Variants in MASP2 observed in about 807,000 individuals in gnomAD.
MASP2 encodes mannan-binding lectin serine protease 2.
In MASP2, 49 loss-of-function variants were observed where a neutral mutation model predicts 57.1. The ratio of observed to expected loss-of-function variants is 0.86; its 90% CI spans 0.68 to 1.09. The LOEUF is 1.09. MASP2 is among the 50% of genes least tolerant of loss of function. The pLI is 0.00. For synonymous variants in MASP2, 379 were observed against 340.8 expected (o/e 1.11, Z -1.24); for missense variants, 900 against 874.8 (o/e 1.03, Z -0.36).
rs761829199 is a variant in MASP2 at position 11,034,788 on chromosome 1, C to T, written c.1087+40G>A. ...AGCAACAGTAGCAGCAGAGGGAGTT[C>T]CGGGCGGTTATGGGGCCTGTAGTCA... is the stretch of plus-strand genomic sequence containing the variant. On this transcript the variant is annotated intron_variant, in intron 8 of 10. Coordinates refer to ENST00000400897, the MANE Select transcript of MASP2 (RefSeq NM_006610.4). 3.5e-6 allele frequency: 5 copies of T among 1,411,896 alleles called. No individual in the cohort carries two copies. The African/African-American group carries it at 7.3e-5, about 21-fold the overall frequency. 87.5% of individuals were successfully genotyped at this position (1,411,896 alleles called of 1,614,324 possible).
Position 11,046,571 on chromosome 1 carries a change from A to C in MASP2, c.397T>G (p.Phe133Val), listed in dbSNP as rs201551849. 120 of 1,613,940 alleles carry C rather than the reference A, an allele frequency of 7.4e-5. 2 individuals are homozygous for C. The Middle Eastern group carries it at 1.5e-3, about 20-fold the overall frequency. Residue 133 changes from phenylalanine to valine, a missense_variant, in exon 3 of 11, where the codon TTC (phenylalanine) becomes GTC (valine). Transcript: ENST00000400897. ...NEKPFTGFEA[F>V]YAAEDIDECQ... Reference sequence around the variant, plus strand: ...CTTGGCTCACCCTCGGCTGCATAGAAGGCCTCGAACCCCGTGAACGGCTTC... The same window carrying C: ...CTTGGCTCACCCTCGGCTGCATAGACGGCCTCGAACCCCGTGAACGGCTTC...
chr1:11,042,396 T>TTGGATGGATGGA (rs141900678), intron 6 of MASP2, among the ~76,000 whole-genome samples: 10 of 141,958 alleles, frequency 7.0e-5, no homozygotes, highest in African/African-American at 2.5e-4. Context: ...GATAGATGGA[T>TTGGATGGATGGA]TGGATGGATG....
Position 11,046,346 on chromosome 1 carries a change from A to G in MASP2, c.412+210T>C, listed in dbSNP as rs568647134. 2,756 of 619,484 alleles carry G rather than the reference A, an allele frequency of 4.4e-3. 5 individuals are homozygous for G. The highest frequency in any genetic ancestry group is 7.0e-3 in the Non-Finnish European group (2,420 of 347,720). 38.4% of individuals were successfully genotyped at this position (619,484 alleles called of 1,614,324 possible). ...CGTCACTTGAGGCGATGCTGTCCTC[A>G]GATCCCTGGCTCAGAGTTGGCACTC... On this transcript the variant is annotated intron_variant, in intron 3 of 10. Coordinates refer to ENST00000400897, the MANE Select transcript of MASP2 (RefSeq NM_006610.4).
intron 6 of MASP2, among the ~76,000 whole-genome samples, chr1:11,040,944 T>C (rs559094166): frequency 4.0e-5 from 6 of 149,610 alleles, no homozygotes; most frequent in African/African-American, 7.4e-5. Flanking sequence ...GGTGGGTAGA[T>C]AGATAGCTGG....
At chr1:11,037,106 G>A (rs1253966897) in intron 7 of MASP2, among the ~76,000 whole-genome samples, 2 of 152,124 alleles carry the variant, frequency 1.3e-5, no homozygotes, top group Non-Finnish European at 2.9e-5. Context: ...AGGCTGGAGT[G>A]CAGTGGTGTG....
intron 6 of MASP2, among the ~76,000 whole-genome samples, chr1:11,038,286 A>C (rs1002592465): frequency 1.3e-5 from 2 of 152,184 alleles, no homozygotes; most frequent in Non-Finnish European, 2.9e-5. Flanking sequence ...GGTTGACGAT[A>C]ATAGTTGCCC....
rs755760729 is a variant in MASP2, at chr1:11,037,710, C to A, written c.991G>T (p.Gly331Cys). The stretch of plus-strand genomic sequence containing the variant: ...TAACTCACTTGCAGAAGCTCATAGC[C>A]AGTCTCGCAAAAGATGGAGAAGCTG... Reference protein sequence around the residue: ...KDSFSIFCETGYELLQGHLPL... With the variant: ...KDSFSIFCETCYELLQGHLPL... The change falls in exon 7 of 11, where the codon GGC (glycine) becomes TGC (cysteine). Residue 331 changes from glycine to cysteine, a missense_variant. By Grantham distance (159) the Gly-to-Cys change is radical. Transcript: ENST00000400897. 3.7e-6 allele frequency: 6 copies of A among 1,610,480 alleles called. No homozygotes were observed. Among genetic ancestry groups the A allele is most frequent in the Non-Finnish European group, 5.1e-6 (6 of 1,178,646 alleles).
chr1:11,033,822 A>C (rs1643869633), intron 8 of MASP2, among the ~76,000 whole-genome samples: 1 of 149,608 alleles, frequency 6.7e-6, no homozygotes, highest in Admixed American at 6.7e-5. Context: ...AATCCTAGCT[A>C]CTCAGGAGGC....
At chr1:11,030,081 A>G (rs976795236) in intron 10 of MASP2, 95 bp downstream of exon 10, 11 of 851,806 alleles carry the variant, frequency 1.3e-5, no homozygotes, top group Admixed American at 2.4e-5. Flanking sequence ...CTGAAGTTAC[A>G]TTTCTGCCTA....
intron 7 of MASP2, among the ~76,000 whole-genome samples, chr1:11,036,531 A>C (rs1453403169): frequency 5.9e-4 from 84 of 141,962 alleles, no homozygotes; most frequent in South Asian, 2.8e-3. Flanking sequence ...AAAAAAAAAA[A>C]AAAAAACAAA....
At chr1:11,044,896 C>A in intron 4 of MASP2, 1 of 1,593,300 alleles carries the variant, frequency 6.3e-7, no homozygotes, top group Non-Finnish European at 8.5e-7. Context: ...AGCAGGCTGG[C>A]TCTGGCTTCT....
At chr1:11,046,169 C>A in intron 3 of MASP2, 2 of 322,550 alleles carry the variant, frequency 6.2e-6, no homozygotes, top group Non-Finnish European at 1.2e-5. Context: ...CGCACCACCA[C>A]GCCCAGCTAA....
intron 4 of MASP2, chr1:11,044,693 G>A (rs1638569004): frequency 9.3e-7 from 1 of 1,070,718 alleles, no homozygotes; most frequent in Non-Finnish European, 1.3e-6. Context: ...CCATGGAGGA[G>A]GCTCCCACAG....
chr1:11,045,580 A>G, intron 3 of MASP2, 41 bp from the exon 4 acceptor site: 3 of 1,573,102 alleles, frequency 1.9e-6, no homozygotes, highest in Non-Finnish European at 2.6e-6. Flanking sequence ...CAGGAGGGAA[A>G]GAGGCGGGAT....
chr1:11,039,865 AGGATGGAT>A (rs754881060), intron 6 of MASP2, among the ~76,000 whole-genome samples: 66 of 125,146 alleles, frequency 5.3e-4, no homozygotes, highest in African/African-American at 1.4e-3. Flanking sequence ...GGTGGATAGA[AGGATGGAT>A]GGATGGATGG....
At chr1:11,045,884 C>T in intron 3 of MASP2, 1 of 316,722 alleles carries the variant, frequency 3.2e-6, no homozygotes. Flanking sequence ...AGAAATTGAG[C>T]CACTTGCCAG....
At chr1:11,034,401 A>G in intron 8 of MASP2, among the ~76,000 whole-genome samples, 1 of 151,936 alleles carries the variant, frequency 6.6e-6, no homozygotes, top group African/African-American at 2.4e-5. Flanking sequence ...GATCATTAAA[A>G]AAAAAAAACC....
intron 3 of MASP2, 183 bp downstream of exon 3, chr1:11,046,373 G>A: frequency 1.5e-6 from 1 of 672,104 alleles, no homozygotes; most frequent in Non-Finnish European, 2.6e-6. Flanking sequence ...TTGGCACTCA[G>A]CCCATGTGAA....
At chr1:11,030,713 T>C (rs1643829051) in intron 9 of MASP2, 35 bp downstream of exon 9, 2 of 1,565,570 alleles carry the variant, frequency 1.3e-6, no homozygotes, top group African/African-American at 2.7e-5. Flanking sequence ...AAGTTCCAAG[T>C]ATTGCCCACC....
Sources: allele counts gnomAD v4.1 joint callset (sites outside exome capture counted in the v4.1 genomes callset), GRCh38; gene constraint gnomAD v4.1.1; transcripts MANE v1.5; gene names NCBI Gene and HGNC (gene_info 2026-07-23, HGNC 2026-07-21).